Variants in THSD7B observed in about 807,000 individuals in gnomAD.
THSD7B encodes thrombospondin type 1 domain containing 7B, also known as thrombospondin type-1 domain-containing protein 7B.
THSD7B carries 138 observed loss-of-function variants against 213.6 expected under a neutral mutation model. The observed-to-expected ratio is 0.65, with a 90% confidence interval of 0.56 to 0.74. The LOEUF is 0.74. THSD7B is among the 30% of genes least tolerant of loss of function. The pLI, the probability that THSD7B is intolerant of heterozygous loss-of-function variation, is 0.00. For synonymous variants in THSD7B, 742 were observed against 687.0 expected, an observed-to-expected ratio of 1.08 and a Z score of -1.25; for missense variants, 1,931 against 1,991.5, an observed-to-expected ratio of 0.97 and a Z score of 0.58.
At chr2:136,782,585 T>G (rs1558803473) in intron 1 of THSD7B, among the ~76,000 whole-genome samples, 2 of 151,714 alleles carry the variant, frequency 1.3e-5, no homozygotes, top group Non-Finnish European at 2.9e-5. Flanking sequence ...GCTCTAGAAG[T>G]AGAGAGTAGA....
intron 2 of THSD7B, among the ~76,000 whole-genome samples, chr2:136,894,783 C>A (rs558343272): frequency 6.6e-6 from 1 of 152,056 alleles, no homozygotes; most frequent in Non-Finnish European, 1.5e-5. Context: ...CTTTTCTGCA[C>A]GTTAAAGTTT....
intron 2 of THSD7B, among the ~76,000 whole-genome samples, chr2:136,950,029 G>T (rs377214569): frequency 6.6e-6 from 1 of 152,090 alleles, no homozygotes; most frequent in Non-Finnish European, 1.5e-5. Flanking sequence ...CGAGGTGAGC[G>T]GATCACGAGG....
At chr2:137,143,948 A>G (rs908222465) in intron 5 of THSD7B, among the ~76,000 whole-genome samples, 1 of 151,992 alleles carries the variant, frequency 6.6e-6, no homozygotes, top group African/African-American at 2.4e-5. Flanking sequence ...CTTTTAATTA[A>G]CTTTAAAACA....
chr2:137,348,563 G>A (rs554273718), intron 12 of THSD7B, among the ~76,000 whole-genome samples: 27 of 151,672 alleles, frequency 1.8e-4, no homozygotes, highest in Admixed American at 2.6e-4. Flanking sequence ...GCTTTGTAGC[G>A]GGTTCGTGTG....
intron 12 of THSD7B, among the ~76,000 whole-genome samples, chr2:137,299,522 C>G (rs953061753): frequency 6.6e-6 from 1 of 152,008 alleles, no homozygotes; most frequent in African/African-American, 2.4e-5. Flanking sequence ...GTGCCCCCAT[C>G]CAAATTTCAA....
At chr2:137,576,691 C>T (rs146286235) in intron 17 of THSD7B, among the ~76,000 whole-genome samples, 39 of 152,074 alleles carry the variant, frequency 2.6e-4, no homozygotes, top group African/African-American at 9.2e-4. Context: ...GCAGAAGCTG[C>T]CATTATTTCT....
At chr2:137,440,474 T>A (rs79251399) in intron 14 of THSD7B, among the ~76,000 whole-genome samples, 1 of 151,732 alleles carries the variant, frequency 6.6e-6, no homozygotes, top group South Asian at 2.1e-4. Flanking sequence ...TTTTTTTTTT[T>A]AATTGGACAT....
intron 8 of THSD7B, among the ~76,000 whole-genome samples, chr2:137,231,793 G>C (rs981147744): frequency 6.6e-6 from 1 of 152,120 alleles, no homozygotes; most frequent in East Asian, 1.9e-4. Flanking sequence ...AGTGGGTGAC[G>C]TCAGAACAAA....
At chr2:137,532,316 A>G (rs936907275) in intron 15 of THSD7B, among the ~76,000 whole-genome samples, 1 of 151,902 alleles carries the variant, frequency 6.6e-6, no homozygotes, top group Non-Finnish European at 1.5e-5. Context: ...CTTGATTCCT[A>G]AAACAGAAAT....
intron 1 of THSD7B, among the ~76,000 whole-genome samples, chr2:136,821,275 A>C (rs1682559737): frequency 6.6e-6 from 1 of 152,200 alleles, no homozygotes. Flanking sequence ...TGAGGGAAAG[A>C]AGGAAAGAAA....
chr2:137,423,111 T>C (rs1686963485), intron 14 of THSD7B, among the ~76,000 whole-genome samples: 1 of 152,086 alleles, frequency 6.6e-6, no homozygotes, highest in Non-Finnish European at 1.5e-5. Context: ...AATAAATTAA[T>C]ATTTATTACT....
intron 14 of THSD7B, among the ~76,000 whole-genome samples, chr2:137,412,616 A>AC (rs1686688204): frequency 7.1e-6 from 1 of 141,094 alleles, no homozygotes; most frequent in Non-Finnish European, 1.6e-5. Flanking sequence ...AAAAACAAAA[A>AC]AAAACAAAAA....
At chr2:137,584,632 TTA>T (rs1192653912) in intron 17 of THSD7B, among the ~76,000 whole-genome samples, 2 of 152,226 alleles carry the variant, frequency 1.3e-5, no homozygotes, top group African/African-American at 4.8e-5. Context: ...ATATGCTGGA[TTA>T]TGTTTATTGA....
At chr2:137,086,999 C>A (rs1293104377) in intron 3 of THSD7B, among the ~76,000 whole-genome samples, 2 of 152,078 alleles carry the variant, frequency 1.3e-5, no homozygotes, top group East Asian at 3.8e-4. Flanking sequence ...AACCAAAGGT[C>A]CCACTAATTG....
intron 17 of THSD7B, among the ~76,000 whole-genome samples, chr2:137,609,478 C>T (rs1161077775): frequency 6.6e-6 from 1 of 152,160 alleles, no homozygotes; most frequent in Non-Finnish European, 1.5e-5. Context: ...GCAGAGGGAA[C>T]AGCAAGATCA....
chr2:137,365,790 G>T (rs1291349692), intron 12 of THSD7B, among the ~76,000 whole-genome samples: 2 of 152,204 alleles, frequency 1.3e-5, no homozygotes, highest in African/African-American at 4.8e-5. Context: ...TACACTGTTG[G>T]TGGGACTGTA....
chr2:137,349,707 G>C (rs188913268), intron 12 of THSD7B, among the ~76,000 whole-genome samples: 40 of 151,720 alleles, frequency 2.6e-4, no homozygotes, highest in Admixed American at 2.2e-3. Flanking sequence ...GTAGTTACTT[G>C]TGATAGTTAT....
intron 12 of THSD7B, among the ~76,000 whole-genome samples, chr2:137,317,707 G>A (rs1684156414): frequency 6.6e-6 from 1 of 152,150 alleles, no homozygotes; most frequent in African/African-American, 2.4e-5. Flanking sequence ...TTGAGGTCAG[G>A]AGTTTGAGAC....
intron 21 of THSD7B, among the ~76,000 whole-genome samples, chr2:137,643,820 G>A (rs5010976): frequency 0.097 from 14,765 of 152,178 alleles, 926 homozygotes; most frequent in South Asian, 0.15. Context: ...CAGAGGGACA[G>A]AGAACTGACA....
Sources: gnomAD v4.1 joint callset for allele counts (sites outside exome capture counted in the v4.1 genomes callset) on GRCh38, gnomAD v4.1.1 for gene constraint, MANE v1.5 for transcripts, NCBI Gene and HGNC (gene_info 2026-07-23, HGNC 2026-07-21) for gene names.